The following TTC7B variants were observed in gnomAD, a reference collection of about 807,000 sequenced individuals.
TTC7B encodes the protein tetratricopeptide repeat domain 7B, also known as tetratricopeptide repeat protein 7B.
Under a neutral mutation model 106.8 loss-of-function variants are expected in TTC7B, and 28 were observed. The observed-to-expected ratio is 0.26, with a 90% confidence interval of 0.19 to 0.36. TTC7B has a LOEUF of 0.36. TTC7B is among the 10% of genes least tolerant of loss of function. The pLI is 1.00. For synonymous variants in TTC7B, 405 were observed against 430.6 expected, an observed-to-expected ratio of 0.94 and a Z score of 0.74; for missense variants, 862 against 1,076.4, an observed-to-expected ratio of 0.80 and a Z score of 2.79.
At position 90,588,732 on chromosome 14, in the gene TTC7B, T is replaced by A. The variant is rs146292792; in HGVS notation, c.2107+4754A>T. Among the ~76,000 whole-genome samples the A allele has an allele frequency of 3.4e-3, 512 of 152,186 alleles. 2 individuals are homozygous for A. Among genetic ancestry groups the A allele is most frequent in the African/African-American group, 0.011 (471 of 41,508 alleles). On this transcript the variant is annotated intron_variant, in intron 18 of 19. Transcript: ENST00000328459. ...TTCTCTGACTTTCTTTACAGAATAG[T>A]ATATAGACAAATGGCACTGGAACAT...
At chr14:90,794,207 ATTTCTTTTTTTTTTTTTTT>A (rs1891692639) in intron 1 of TTC7B, among the ~76,000 whole-genome samples, 1 of 130,614 alleles carries the variant, frequency 7.7e-6, no homozygotes, top group Non-Finnish European at 1.5e-5. Context: ...CTGGCTGGGT[ATTTCTTTTTTTTTTTTTTT>A]TTTTTTTTTT....
At position 90,541,447 on chromosome 14, in the gene TTC7B, G is replaced by A. The variant is rs145873765; in HGVS notation, c.2453C>T (p.Thr818Met). 9.3e-6 allele frequency: 15 copies of A among 1,613,590 alleles called. No homozygotes were observed. The highest frequency in any genetic ancestry group is 5.5e-5 in the South Asian group (5 of 91,036). ...CTCCAAGGCTGTCAGGAAGCACTCC[G>A]TAGCCGCCGCATCGTTGCCCTGAGC... ...LQAQGNDAAA[T>M]ECFLTALELE... Residue 818 changes from threonine to methionine, a missense_variant, in exon 20 of 20, where the codon ACG (threonine) becomes ATG (methionine). Physicochemically the swap from Thr to Met is moderately conservative, Grantham distance 81 (BLOSUM62 -1). Transcript: ENST00000328459.
chr14:90,767,426 G>A (rs1890726335), intron 3 of TTC7B, among the ~76,000 whole-genome samples: 1 of 152,166 alleles, frequency 6.6e-6, no homozygotes, highest in South Asian at 2.1e-4. Flanking sequence ...AGTGTTGGGA[G>A]GTAGGGCCTA....
intron 9 of TTC7B, among the ~76,000 whole-genome samples, chr14:90,659,545 T>C (rs1351794570): frequency 6.6e-6 from 1 of 151,162 alleles, no homozygotes; most frequent in South Asian, 2.1e-4. Context: ...AAAAGGGATC[T>C]GGAAAGGAGG....
At chr14:90,714,777 A>C (rs1888591570) in intron 5 of TTC7B, among the ~76,000 whole-genome samples, 1 of 152,020 alleles carries the variant, frequency 6.6e-6, no homozygotes, top group African/African-American at 2.4e-5. Flanking sequence ...TATTAAAAAC[A>C]ACCAAATTGT....
intron 5 of TTC7B, among the ~76,000 whole-genome samples, chr14:90,711,592 T>C (rs533588093): frequency 6.6e-6 from 1 of 152,282 alleles, no homozygotes; most frequent in Admixed American, 6.5e-5. Context: ...CAGATAACTT[T>C]TGTATTCTTA....
intron 1 of TTC7B, among the ~76,000 whole-genome samples, chr14:90,797,938 C>T (rs1278856139): frequency 6.6e-6 from 1 of 152,196 alleles, no homozygotes; most frequent in African/African-American, 2.4e-5. Flanking sequence ...CCTGGCTGTA[C>T]GAAAGGCCAT....
chr14:90,623,746 C>T (rs769086912), intron 15 of TTC7B, among the ~76,000 whole-genome samples: 40 of 152,308 alleles, frequency 2.6e-4, no homozygotes, highest in Non-Finnish European at 4.0e-4. Context: ...TTTGGCTGGG[C>T]GCTGTGGCTC....
At chr14:90,685,145 G>C (rs576961423) in intron 7 of TTC7B, among the ~76,000 whole-genome samples, 28 of 152,194 alleles carry the variant, frequency 1.8e-4, no homozygotes, top group Non-Finnish European at 8.8e-5. Flanking sequence ...CAACTCTTCT[G>C]AATGGTCCTT....
In TTC7B at chr14:90,578,294, C is replaced by T. The variant is rs138646110; in HGVS notation, c.2122G>A (p.Gly708Ser). ...GTGGCTTCTGCAGGCTTCCCGATGC[C>T]GATATAGACTTCAGCTGTGAGGAGA... ...IWLHAAEVYI[G>S]IGKPAEATAC... is the part of the protein sequence containing the mutation. Residue 708 changes from glycine (G) to serine (S), a missense_variant, in exon 19 of 20, where the codon GGC (glycine) becomes AGC (serine). Gly to Ser is a moderately conservative substitution (Grantham distance 56). Transcript: ENST00000328459. This position sits in a 1 kb window ranked among gnomAD's most constrained non-coding sequence, Gnocchi z 4.7. 32 of 1,613,850 alleles carry T rather than the reference C, an allele frequency of 2.0e-5. No homozygotes were observed. Among genetic ancestry groups the T allele is most frequent in the African/African-American group, 8.0e-5 (6 of 74,934 alleles).
intron 5 of TTC7B, among the ~76,000 whole-genome samples, chr14:90,716,547 G>C (rs913506733): frequency 2.0e-5 from 3 of 152,088 alleles, no homozygotes; most frequent in African/African-American, 4.8e-5. Context: ...TACCCAGCAG[G>C]CTCTCAATAA....
intron 1 of TTC7B, among the ~76,000 whole-genome samples, chr14:90,803,645 C>T (rs1439109753): frequency 1.3e-5 from 2 of 152,172 alleles, no homozygotes; most frequent in South Asian, 4.1e-4. Flanking sequence ...TTGGCAGAAA[C>T]AATATTCTGG....
intron 13 of TTC7B, among the ~76,000 whole-genome samples, chr14:90,651,148 T>G (rs1251331483): frequency 6.6e-6 from 1 of 152,252 alleles, no homozygotes; most frequent in Non-Finnish European, 1.5e-5. Flanking sequence ...ATTTAAGAAG[T>G]AATACAAATC....
At chr14:90,561,090 T>A (rs1043821977) in intron 19 of TTC7B, among the ~76,000 whole-genome samples, 1 of 152,224 alleles carries the variant, frequency 6.6e-6, no homozygotes, top group Non-Finnish European at 1.5e-5. Context: ...TCTGGCCCCA[T>A]GCATCTGTGT....
At position 90,578,009 on chromosome 14, in the gene TTC7B, G is replaced by C. The variant is rs1400603366; in HGVS notation, c.2310+97C>G. On this transcript the variant is annotated intron_variant, in intron 19 of 19. Coordinates refer to ENST00000328459, the MANE Select transcript of TTC7B (RefSeq NM_001010854.2). This position sits in a 1 kb window ranked among gnomAD's most constrained non-coding sequence, Gnocchi z 4.7. ...GGCAAGCTAACTGCATGGGGCCTTT[G>C]GAAGCAGAAGAGGGTGTGAGGGTCA... is the stretch of plus-strand genomic sequence containing the variant. The C allele has an allele frequency of 2.1e-6, 3 of 1,420,964 alleles. No homozygotes were observed. In the African/African-American group the frequency reaches 4.2e-5, roughly 20 times the overall value. 88.0% of individuals were successfully genotyped at this position (1,420,964 alleles called of 1,614,324 possible). A position where few individuals can be genotyped will look rare whatever the true frequency, so the allele number is the denominator to read the frequency against.
In TTC7B at chr14:90,805,575, C is replaced by T. The variant is rs948351591; in HGVS notation, c.121+10600G>A. Among the ~76,000 whole-genome samples, 23 of 152,160 alleles carry T rather than the reference C, an allele frequency of 1.5e-4. No individual in the cohort carries two copies. The highest frequency in any genetic ancestry group is 5.3e-4 in the African/African-American group (22 of 41,436). On this transcript the variant is annotated intron_variant, in intron 1 of 19. Coordinates refer to ENST00000328459, the MANE Select transcript of TTC7B (RefSeq NM_001010854.2). The surrounding 1 kb of genome is among the most constrained non-coding windows in gnomAD (Gnocchi z 4.0). ...GCCACCGCGCCCGGCCTAAACCTCA[C>T]CTCTATCTGCAAGGTTGGAACAGGG...
rs527993572 is a variant in TTC7B at position 90,759,229 on chromosome 14, G to A, written c.446-14307C>T. Among the ~76,000 whole-genome samples, 2 of 152,238 alleles carry A rather than the reference G, an allele frequency of 1.3e-5. No homozygotes were observed. The highest frequency in any genetic ancestry group is 2.9e-5 in the Non-Finnish European group (2 of 68,016). On this transcript the variant is annotated intron_variant, in intron 3 of 19. Coordinates refer to ENST00000328459, the MANE Select transcript of TTC7B (RefSeq NM_001010854.2). This position sits in a 1 kb window ranked among gnomAD's most constrained non-coding sequence, Gnocchi z 4.1. ...CAATCTGTGTTCTGCTCCCGCCCCC[G>A]AGAGAGTTCTGAGCTTTCCAAATAT...
intron 1 of TTC7B, among the ~76,000 whole-genome samples, chr14:90,798,256 A>G (rs1197844361): frequency 6.6e-6 from 1 of 152,154 alleles, no homozygotes; most frequent in Non-Finnish European, 1.5e-5. Flanking sequence ...CACCGGGCTG[A>G]CCCATAGCAG....
chr14:90,774,170 C>T (rs908896796), intron 3 of TTC7B, among the ~76,000 whole-genome samples: 18 of 152,062 alleles, frequency 1.2e-4, no homozygotes, highest in African/African-American at 4.3e-4. Context: ...AACAAGAACC[C>T]GACCGAGATG....
Sources: gnomAD v4.1 joint callset for allele counts (sites outside exome capture counted in the v4.1 genomes callset) on GRCh38, gnomAD v4.1.1 for gene constraint, Gnocchi (gnomAD v3.1) non-coding constraint, MANE v1.5 for transcripts, NCBI Gene and HGNC (gene_info 2026-07-23, HGNC 2026-07-21) for gene names.